The following CAPRIN1 variants were observed in gnomAD, a reference collection of about 807,000 sequenced individuals.
CAPRIN1 encodes caprin-1.
A neutral mutation model predicts 100.9 loss-of-function variants in CAPRIN1; 29 were observed. That is an observed-to-expected ratio of 0.29 (90% confidence interval 0.21 to 0.39). CAPRIN1 has a LOEUF of 0.39. Among genes scored for constraint, CAPRIN1 ranks in the 10% least tolerant of loss-of-function variants. The probability of loss-of-function intolerance (pLI) is 1.00; values close to 1 mark genes in which losing one functional copy is unlikely to be tolerated. For synonymous variants in CAPRIN1, 338 were observed against 307.5 expected (o/e 1.10, Z -1.04); for missense variants, 795 against 876.7 (o/e 0.91, Z 1.18).
intron 2 of CAPRIN1, among the ~76,000 whole-genome samples, chr11:34,056,835 T>TTA (rs1385501598): frequency 6.6e-6 from 1 of 152,216 alleles, no homozygotes; most frequent in Admixed American, 6.5e-5. Context: ...TAACTAATGA[T>TTA]CACTTGCGTA....
At chr11:34,053,167 G>A in intron 2 of CAPRIN1, 1 of 987,600 alleles carries the variant, frequency 1.0e-6, no homozygotes, top group Non-Finnish European at 1.2e-6. Context: ...TAGGAGAGAA[G>A]TGTGTTTAGA....
chr11:34,069,988 A>G (rs533350608), intron 2 of CAPRIN1, among the ~76,000 whole-genome samples: 1 of 151,418 alleles, frequency 6.6e-6, no homozygotes, highest in African/African-American at 2.4e-5. Flanking sequence ...AATGCCCTTT[A>G]TTAGAATTTA....
chr11:34,088,871 T>C (rs1411285700), intron 11 of CAPRIN1, among the ~76,000 whole-genome samples: 1 of 152,184 alleles, frequency 6.6e-6, no homozygotes, highest in Non-Finnish European at 1.5e-5. Flanking sequence ...TAATAACCAC[T>C]GCCGGTAAAC....
chr11:34,063,318 T>C (rs910057883), intron 2 of CAPRIN1: 1 of 151,364 alleles, frequency 6.6e-6, no homozygotes, highest in African/African-American at 2.4e-5. Flanking sequence ...AGGGGGAGGG[T>C]TGTTAAGGCA....
At chr11:34,053,183 A>T in intron 2 of CAPRIN1, 1 of 984,744 alleles carries the variant, frequency 1.0e-6, no homozygotes, top group African/African-American at 1.7e-5. Flanking sequence ...TTAGAATCTT[A>T]AGGTAGAACT....
intron 9 of CAPRIN1, 116 bp downstream of exon 9, chr11:34,083,157 C>T: frequency 1.4e-6 from 1 of 707,550 alleles, no homozygotes; most frequent in Non-Finnish European, 2.5e-6. Context: ...ATTATAATAA[C>T]AGACTCATTA....
chr11:34,073,814 C>T (rs1850851763), intron 4 of CAPRIN1, among the ~76,000 whole-genome samples: 1 of 152,096 alleles, frequency 6.6e-6, no homozygotes, highest in Non-Finnish European at 1.5e-5. Flanking sequence ...AATTTTGTAC[C>T]TAGTGTCTTA....
At chr11:34,096,443 G>T in intron 15 of CAPRIN1, 36 bp from the exon 16 acceptor site, 1 of 1,522,256 alleles carries the variant, frequency 6.6e-7, no homozygotes, top group Non-Finnish European at 9.1e-7. Flanking sequence ...GTAATGAGCT[G>T]TTTATGTATA....
rs547201086 is a variant in CAPRIN1, at chr11:34,101,766, AAT to A, written c.*2402_*2403del. ...AATCTTGGTTCTAAGCATTCTGTAT[AAT>A]ATGTGATTGCTTGTCCTAGCTGCAG... is the stretch of plus-strand genomic sequence containing the variant. On this transcript the variant is annotated 3_prime_UTR_variant, in exon 19 of 19. Coordinates refer to ENST00000341394, the MANE Select transcript of CAPRIN1 (RefSeq NM_005898.5). Among the ~76,000 whole-genome samples, 1 of 152,172 alleles carries A rather than the reference AAT, an allele frequency of 6.6e-6. No individual in the cohort carries two copies. Among genetic ancestry groups the A allele is most frequent in the Non-Finnish European group, 1.5e-5 (1 of 68,008 alleles).
chr11:34,090,611 G>C lies in CAPRIN1; in HGVS notation c.1487G>C (p.Gly496Ala). ...AASQPQVFQA[G>A]TSKPLHSSGI... The stretch of plus-strand genomic sequence containing the variant: ...TCTCAGCCTCAAGTATTTCAGGCTG[G>C]GACAAGCAAACCTTTACATAGCAGT... The change falls in exon 14 of 19, where the codon GGG (glycine) becomes GCG (alanine). Residue 496 changes from glycine to alanine, a missense_variant. Physicochemically the swap from Gly to Ala is moderately conservative, Grantham distance 60 (BLOSUM62 0). Around this residue, in one of 3 missense-constraint regions of CAPRIN1, gnomAD observed 648 missense variants for 697.9 expected, o/e 0.93. Transcript: ENST00000341394. 1.2e-6 allele frequency: 2 copies of C among 1,613,948 alleles called. No homozygotes were observed. Among genetic ancestry groups the C allele is most frequent in the Non-Finnish European group, 1.7e-6 (2 of 1,179,884 alleles).
intron 2 of CAPRIN1, among the ~76,000 whole-genome samples, chr11:34,068,796 T>C (rs1311990677): frequency 6.6e-6 from 1 of 152,250 alleles, no homozygotes; most frequent in East Asian, 1.9e-4. Flanking sequence ...TTTCATTGTT[T>C]ATCTTTTTAT....
At chr11:34,063,390 T>A (rs1850622479) in intron 2 of CAPRIN1, 1 of 152,258 alleles carries the variant, frequency 6.6e-6, no homozygotes, top group African/African-American at 2.4e-5. Context: ...TGTCTTTCAA[T>A]TTACAGTTAG....
intron 18 of CAPRIN1, 35 bp downstream of exon 18, chr11:34,097,796 T>C (rs1851395237): frequency 6.2e-7 from 1 of 1,613,548 alleles, no homozygotes; most frequent in African/African-American, 1.3e-5. Context: ...AGCTCCTAAG[T>C]GGAGCTTCTG....
At chr11:34,097,079 T>G (rs1176402308) in intron 16 of CAPRIN1, 117 bp from the exon 17 acceptor site, 8 of 704,684 alleles carry the variant, frequency 1.1e-5, no homozygotes, top group African/African-American at 7.2e-5. Context: ...AATTGGAGAT[T>G]AATTTGATTA....
At chr11:34,092,091 C>G in intron 15 of CAPRIN1, 35 bp downstream of exon 15, 1 of 1,603,630 alleles carries the variant, frequency 6.2e-7, no homozygotes, top group Non-Finnish European at 8.5e-7. Flanking sequence ...TGGCTCCTTG[C>G]TTTCCAGCAC....
chr11:34,071,523 C>T (rs1366217036), intron 2 of CAPRIN1, among the ~76,000 whole-genome samples: 1 of 152,050 alleles, frequency 6.6e-6, no homozygotes, highest in Non-Finnish European at 1.5e-5. Context: ...CAAGATCGTG[C>T]CATTGCACGC....
chr11:34,060,485 TTGAC>T (rs1850555309), intron 2 of CAPRIN1, among the ~76,000 whole-genome samples: 1 of 152,140 alleles, frequency 6.6e-6, no homozygotes, highest in Admixed American at 6.6e-5. Flanking sequence ...GATTACAGGG[TTGAC>T]CCACTGTGCC....
At chr11:34,090,761 T>G (rs1851248190) in intron 14 of CAPRIN1, 83 bp downstream of exon 14, 3 of 1,223,954 alleles carry the variant, frequency 2.5e-6, no homozygotes, top group Non-Finnish European at 3.5e-6. Flanking sequence ...AGGTCTTCAT[T>G]TAACTGTGCT....
intron 14 of CAPRIN1, 109 bp from the exon 15 acceptor site, chr11:34,091,797 C>T (rs1851269960): frequency 1.0e-6 from 1 of 969,732 alleles, no homozygotes; most frequent in Non-Finnish European, 1.6e-6. Context: ...TGTTTGAGAC[C>T]TCTGTGATGT....
Sources: allele counts gnomAD v4.1 joint callset (sites outside exome capture counted in the v4.1 genomes callset), GRCh38; gene constraint gnomAD v4.1.1; regional missense constraint gnomAD v4.1.1; transcripts MANE v1.5; gene names NCBI Gene and HGNC (gene_info 2026-07-23, HGNC 2026-07-21).